The following PPP3CA variants were observed in gnomAD, a reference collection of about 807,000 sequenced individuals.
PPP3CA encodes protein phosphatase 3 catalytic subunit alpha.
A neutral mutation model predicts 66.5 loss-of-function variants in PPP3CA; 14 were observed. The ratio of observed to expected loss-of-function variants is 0.21; its 90% CI spans 0.14 to 0.33. The LOEUF (loss-of-function observed/expected upper bound fraction) is 0.33. Ranked by LOEUF, PPP3CA falls within the 10% of genes least tolerant of loss-of-function variation. PPP3CA has a pLI of 1.00. For missense variants in PPP3CA, 317 were observed against 639.5 expected, an observed-to-expected ratio of 0.50 and a Z score of 5.44; for synonymous variants, 232 against 226.2, an observed-to-expected ratio of 1.03 and a Z score of -0.23.
chr4:101,131,841 A>G (rs577850095), intron 2 of PPP3CA, among the ~76,000 whole-genome samples: 1 of 152,344 alleles, frequency 6.6e-6, no homozygotes, highest in African/African-American at 2.4e-5. Context: ...AAAACTGACC[A>G]CATAATTTGA....
intron 1 of PPP3CA, among the ~76,000 whole-genome samples, chr4:101,307,663 T>G (rs1728590027): frequency 6.6e-6 from 1 of 152,172 alleles, no homozygotes; most frequent in East Asian, 1.9e-4. Flanking sequence ...ATAAAACAGT[T>G]TTTGGTGGAA....
At chr4:101,322,762 G>A (rs1027606857) in intron 1 of PPP3CA, among the ~76,000 whole-genome samples, 8 of 151,954 alleles carry the variant, frequency 5.3e-5, no homozygotes, top group African/African-American at 1.2e-4. Context: ...CAGGAACTAT[G>A]AGAAATAAAT....
chr4:101,047,034 A>G (rs892017442), intron 10 of PPP3CA, among the ~76,000 whole-genome samples: 3 of 152,204 alleles, frequency 2.0e-5, no homozygotes, highest in African/African-American at 7.2e-5. Flanking sequence ...TTGGGAAAAT[A>G]CATGTCCAAC....
intron 11 of PPP3CA, among the ~76,000 whole-genome samples, chr4:101,034,720 A>G (rs945517223): frequency 2.0e-5 from 3 of 152,224 alleles, no homozygotes; most frequent in African/African-American, 7.2e-5. Flanking sequence ...CTTAAAAATA[A>G]TAGGTTTGAG....
chr4:101,060,682 T>C (rs374614404), intron 10 of PPP3CA, among the ~76,000 whole-genome samples: 3 of 152,200 alleles, frequency 2.0e-5, no homozygotes, highest in African/African-American at 7.2e-5. Context: ...ATCATAAACA[T>C]CAAAACTTGA....
chr4:101,130,757 G>T (rs1722402675), intron 2 of PPP3CA, among the ~76,000 whole-genome samples: 1 of 152,094 alleles, frequency 6.6e-6, no homozygotes, highest in Non-Finnish European at 1.5e-5. Flanking sequence ...AATATCGAAA[G>T]GAAAAACTGG....
Position 101,347,219 on chromosome 4 carries a change from G to T in PPP3CA, c.-423C>A. ...CGCACACACGGCCAGGATTAAGACC[G>T]ATCACATGGGGAAGGCCGGGGGCGA... On this transcript the variant is annotated 5_prime_UTR_variant, in exon 1 of 14. Coordinates refer to ENST00000394854, the MANE Select transcript of PPP3CA (RefSeq NM_000944.5). 4.5e-6 allele frequency: 1 copy of T among 219,850 alleles called. No homozygotes were observed. Among genetic ancestry groups the T allele is most frequent in the Non-Finnish European group, 8.9e-6 (1 of 112,046 alleles). The allele number at this position is 219,850 out of a possible 1,614,324, so 13.6% of individuals were successfully genotyped here. A position where few individuals can be genotyped will look rare whatever the true frequency, so the allele number is the denominator to read the frequency against.
chr4:101,156,193 T>C (rs565027589), intron 2 of PPP3CA, among the ~76,000 whole-genome samples: 1 of 152,290 alleles, frequency 6.6e-6, no homozygotes, highest in East Asian at 1.9e-4. Flanking sequence ...GAATAGTTCT[T>C]TTCAGTGAGT....
intron 6 of PPP3CA, among the ~76,000 whole-genome samples, chr4:101,091,431 TCCA>T (rs1729937237): frequency 1.3e-5 from 2 of 152,238 alleles, no homozygotes; most frequent in East Asian, 3.9e-4. Context: ...AAACCACATT[TCCA>T]AAATATAGAA....
intron 2 of PPP3CA, among the ~76,000 whole-genome samples, chr4:101,178,467 C>T (rs1215849283): frequency 6.6e-6 from 1 of 151,974 alleles, no homozygotes; most frequent in Admixed American, 6.6e-5. Context: ...GTCATACTGC[C>T]CCTGAAAATA....
intron 2 of PPP3CA, among the ~76,000 whole-genome samples, chr4:101,167,663 G>A (rs889262759): frequency 1.3e-5 from 2 of 152,162 alleles, no homozygotes; most frequent in African/African-American, 4.8e-5. Context: ...AAGTGGTGAG[G>A]GTTGGGGGAC....
intron 1 of PPP3CA, among the ~76,000 whole-genome samples, chr4:101,314,183 C>T (rs188455767): frequency 1.3e-5 from 2 of 152,300 alleles, no homozygotes; most frequent in East Asian, 3.9e-4. Flanking sequence ...TTGCGATACA[C>T]TATCCAACAC....
At chr4:101,133,513 A>G (rs888757676) in intron 2 of PPP3CA, among the ~76,000 whole-genome samples, 12 of 152,178 alleles carry the variant, frequency 7.9e-5, no homozygotes, top group African/African-American at 2.4e-4. Context: ...AAAGAGAATT[A>G]ATTACCTAGG....
chr4:101,318,351 A>G (rs1007653370), intron 1 of PPP3CA, among the ~76,000 whole-genome samples: 2 of 152,200 alleles, frequency 1.3e-5, no homozygotes, highest in African/African-American at 4.8e-5. Context: ...AGTAAAAATG[A>G]CTTTCCCATG....
chr4:101,200,427 T>C (rs955794424), intron 1 of PPP3CA, among the ~76,000 whole-genome samples: 1 of 152,134 alleles, frequency 6.6e-6, no homozygotes, highest in Non-Finnish European at 1.5e-5. Flanking sequence ...GATCTCAATC[T>C]GGACTTCACA....
At chr4:101,245,145 G>C (rs1401533539) in intron 1 of PPP3CA, among the ~76,000 whole-genome samples, 1 of 152,028 alleles carries the variant, frequency 6.6e-6, no homozygotes, top group Non-Finnish European at 1.5e-5. Flanking sequence ...AAAGCAATCT[G>C]ATTACACAAA....
intron 2 of PPP3CA, among the ~76,000 whole-genome samples, chr4:101,185,101 C>T (rs1215909067): frequency 6.6e-6 from 1 of 151,890 alleles, no homozygotes; most frequent in Non-Finnish European, 1.5e-5. Flanking sequence ...TTTAAATTGT[C>T]TCCTTAGATA....
At chr4:101,264,531 T>A (rs934612503) in intron 1 of PPP3CA, among the ~76,000 whole-genome samples, 2 of 152,188 alleles carry the variant, frequency 1.3e-5, no homozygotes, top group African/African-American at 4.8e-5. Context: ...TCTTCATGAA[T>A]CAGTTTTTTG....
At chr4:101,230,483 C>T (rs1006435695) in intron 1 of PPP3CA, among the ~76,000 whole-genome samples, 1 of 151,530 alleles carries the variant, frequency 6.6e-6, no homozygotes, top group Non-Finnish European at 1.5e-5. Flanking sequence ...AACACCACCG[C>T]TCTTCAGCCT....
Sources: allele counts gnomAD v4.1 joint callset (sites outside exome capture counted in the v4.1 genomes callset), GRCh38; gene constraint gnomAD v4.1.1; transcripts MANE v1.5; gene names NCBI Gene and HGNC (gene_info 2026-07-23, HGNC 2026-07-21).